ZNF804B: variants seen among roughly 807,000 people sequenced by gnomAD.
ZNF804B encodes zinc finger protein 804B, also known as zinc finger 804B.
A neutral mutation model predicts 101.4 loss-of-function variants in ZNF804B; 80 were observed. The ratio of observed to expected loss-of-function variants is 0.79; its 90% CI spans 0.66 to 0.95. ZNF804B has a LOEUF of 0.95. ZNF804B is among the 40% of genes least tolerant of loss of function. The pLI is 0.00. For missense variants in ZNF804B, 1,673 were observed against 1,561.9 expected, an observed-to-expected ratio of 1.07 and a Z score of -1.20; for synonymous variants, 622 against 558.8, an observed-to-expected ratio of 1.11 and a Z score of -1.59.
At chr7:88,972,254 C>T (rs1793550414) in intron 1 of ZNF804B, among the ~76,000 whole-genome samples, 1 of 151,520 alleles carries the variant, frequency 6.6e-6, no homozygotes. Flanking sequence ...CATTTCTCAC[C>T]AGCTTAAAAT....
chr7:88,850,395 A>T (rs1203513174), intron 1 of ZNF804B, among the ~76,000 whole-genome samples: 1 of 152,110 alleles, frequency 6.6e-6, no homozygotes, highest in Non-Finnish European at 1.5e-5. Flanking sequence ...AAACCTGAAA[A>T]TCTGCATACA....
intron 1 of ZNF804B, among the ~76,000 whole-genome samples, chr7:89,052,053 T>A (rs1428729732): frequency 6.6e-6 from 1 of 152,188 alleles, no homozygotes; most frequent in Non-Finnish European, 1.5e-5. Context: ...ATATGTCTAA[T>A]TTGTTTTATG....
At chr7:88,995,744 A>G (rs1169896270) in intron 1 of ZNF804B, among the ~76,000 whole-genome samples, 2 of 152,046 alleles carry the variant, frequency 1.3e-5, no homozygotes, top group African/African-American at 4.8e-5. Flanking sequence ...CCTGAAAAAC[A>G]CCACCCGATC....
chr7:89,019,480 A>G (rs770902530), intron 1 of ZNF804B, among the ~76,000 whole-genome samples: 1 of 152,040 alleles, frequency 6.6e-6, no homozygotes, highest in Non-Finnish European at 1.5e-5. Flanking sequence ...TTTTGTAAAT[A>G]TCTATTAAGT....
At chr7:89,045,874 T>G (rs1789095928) in intron 1 of ZNF804B, among the ~76,000 whole-genome samples, 1 of 152,106 alleles carries the variant, frequency 6.6e-6, no homozygotes, top group Non-Finnish European at 1.5e-5. Flanking sequence ...TGTGGGAATG[T>G]TGGAAAGGGC....
intron 1 of ZNF804B, among the ~76,000 whole-genome samples, chr7:89,171,474 A>G (rs1791236913): frequency 6.7e-6 from 1 of 149,906 alleles, no homozygotes; most frequent in East Asian, 2.0e-4. Context: ...TTCCTCTGTC[A>G]CCCAGGCTGG....
chr7:88,924,954 C>T (rs933667545), intron 1 of ZNF804B, among the ~76,000 whole-genome samples: 44 of 152,192 alleles, frequency 2.9e-4, no homozygotes, highest in African/African-American at 9.6e-4. Flanking sequence ...TTTTAAAAAT[C>T]TAAAAATCAC....
At chr7:88,815,007 A>G (rs1037901600) in intron 1 of ZNF804B, among the ~76,000 whole-genome samples, 2 of 149,880 alleles carry the variant, frequency 1.3e-5, no homozygotes, top group Non-Finnish European at 3.0e-5. Flanking sequence ...TGGTTTAAAA[A>G]TAATATATAT....
chr7:88,794,950 C>G, intron 1 of ZNF804B: 1 of 1,541,786 alleles, frequency 6.5e-7, no homozygotes, highest in Non-Finnish European at 8.7e-7. Flanking sequence ...CATGAGGAGT[C>G]TTATTTATTT....
Position 89,217,070 on chromosome 7 carries a change from A to G in ZNF804B, c.109-1085A>G, listed in dbSNP as rs553393184. ...TTCTGGGCTAGACAACATGTTGTTT[A>G]GTATTGTGTAACAAAAATGAATAAA... On this transcript the variant is annotated intron_variant, in intron 1 of 3. Transcript: ENST00000333190. 1.1e-3 allele frequency among the ~76,000 whole-genome samples: 161 copies of G among 152,368 alleles called. 1 individual carries two copies. The highest frequency in any genetic ancestry group is 1.8e-3 in the Admixed American group (28 of 15,304).
chr7:89,061,918 G>A (rs1292213927), intron 1 of ZNF804B, among the ~76,000 whole-genome samples: 2 of 151,912 alleles, frequency 1.3e-5, no homozygotes, highest in Non-Finnish European at 2.9e-5. Flanking sequence ...TATACTATAT[G>A]TATACTCTTG....
chr7:89,117,008 C>A (rs906546188), intron 1 of ZNF804B, among the ~76,000 whole-genome samples: 2 of 152,088 alleles, frequency 1.3e-5, no homozygotes, highest in Non-Finnish European at 2.9e-5. Flanking sequence ...GCTTTGACCA[C>A]ACAGAGAAGG....
At chr7:89,282,007 C>T (rs1385256472) in intron 2 of ZNF804B, among the ~76,000 whole-genome samples, 2 of 151,684 alleles carry the variant, frequency 1.3e-5, no homozygotes, top group Admixed American at 6.6e-5. Flanking sequence ...CGAAACCATC[C>T]CGGCTAAAAC....
At chr7:89,190,546 A>G (rs930448660) in intron 1 of ZNF804B, among the ~76,000 whole-genome samples, 16 of 152,154 alleles carry the variant, frequency 1.1e-4, no homozygotes, top group Non-Finnish European at 1.9e-4. Flanking sequence ...AATTTAGAAT[A>G]TTACATAAAC....
intron 1 of ZNF804B, among the ~76,000 whole-genome samples, chr7:89,012,213 C>T (rs1051955080): frequency 6.6e-6 from 1 of 152,136 alleles, no homozygotes; most frequent in Non-Finnish European, 1.5e-5. Flanking sequence ...CTGCATAAAG[C>T]TGAAAGGCCC....
intron 2 of ZNF804B, among the ~76,000 whole-genome samples, chr7:89,291,920 A>G (rs1790297806): frequency 6.6e-6 from 1 of 152,170 alleles, no homozygotes; most frequent in Non-Finnish European, 1.5e-5. Context: ...ATGGAGTTCT[A>G]ATATGATTGG....
intron 1 of ZNF804B, among the ~76,000 whole-genome samples, chr7:88,982,578 G>A (rs1793707741): frequency 6.6e-6 from 1 of 152,016 alleles, no homozygotes. Flanking sequence ...TGTATTGACT[G>A]TGTCCTAATC....
intron 1 of ZNF804B, among the ~76,000 whole-genome samples, chr7:89,151,766 T>G (rs1331433106): frequency 6.6e-6 from 1 of 152,064 alleles, no homozygotes; most frequent in African/African-American, 2.4e-5. Context: ...AAAGAACCTT[T>G]TGTTAGGCTC....
At chr7:88,898,195 T>A (rs994045924) in intron 1 of ZNF804B, among the ~76,000 whole-genome samples, 4 of 145,156 alleles carry the variant, frequency 2.8e-5, no homozygotes, top group Non-Finnish European at 6.0e-5. Flanking sequence ...CACGCCATTC[T>A]CCTGCCTCAG....
Sources: allele counts gnomAD v4.1 joint callset (sites outside exome capture counted in the v4.1 genomes callset), GRCh38; gene constraint gnomAD v4.1.1; transcripts MANE v1.5; gene names NCBI Gene and HGNC (gene_info 2026-07-23, HGNC 2026-07-21).